MBOAT2: variants seen among roughly 807,000 people sequenced by gnomAD.
MBOAT2 encodes membrane bound glycerophospholipid O-acyltransferase 2, also known as membrane-bound glycerophospholipid O-acyltransferase 2.
A neutral mutation model predicts 63.4 loss-of-function variants in MBOAT2; 28 were observed. The observed-to-expected ratio is 0.44, with a 90% CI of 0.33 to 0.61. The LOEUF is 0.61. Among genes scored for constraint, MBOAT2 ranks in the 20% least tolerant of loss-of-function variants. MBOAT2 has a pLI of 0.03. For missense variants in MBOAT2, 470 were observed against 605.8 expected (o/e 0.78, Z 2.35); for synonymous variants, 211 against 215.6 (o/e 0.98, Z 0.19).
intron 9 of MBOAT2, among the ~76,000 whole-genome samples, chr2:8,866,755 G>A (rs1262026538): frequency 7.9e-5 from 12 of 152,292 alleles, no homozygotes; most frequent in Non-Finnish European, 8.8e-5. Flanking sequence ...TGGGTCATAT[G>A]TCCCATAGAA....
chr2:8,989,931 A>C (rs528218675), intron 1 of MBOAT2, among the ~76,000 whole-genome samples: 2 of 152,352 alleles, frequency 1.3e-5, no homozygotes, highest in East Asian at 3.9e-4. Context: ...TACTCATTAC[A>C]CACTACACTC....
At position 8,877,013 on chromosome 2, in the gene MBOAT2, A is replaced by C. The variant is rs374565020; in HGVS notation, c.690+17T>G. ...AATACATGCTGTAAAGGCTCCAGATAAATCTCATGACCTTACATTTGGAGA... is the reference window on the plus strand; with the variant it reads ...AATACATGCTGTAAAGGCTCCAGATCAATCTCATGACCTTACATTTGGAGA... On this transcript the variant is annotated intron_variant, in intron 7 of 12. Coordinates refer to ENST00000305997, the MANE Select transcript of MBOAT2 (RefSeq NM_138799.4). 48 of 1,591,342 alleles carry C rather than the reference A, an allele frequency of 3.0e-5. No homozygotes were observed. The highest frequency in any genetic ancestry group is 3.9e-5 in the Non-Finnish European group (46 of 1,170,678).
intron 1 of MBOAT2, among the ~76,000 whole-genome samples, chr2:8,987,930 A>T (rs1187743614): frequency 6.6e-6 from 1 of 152,230 alleles, no homozygotes. Context: ...TATGATAAAG[A>T]TGTATTACTT....
intron 4 of MBOAT2, among the ~76,000 whole-genome samples, chr2:8,895,550 G>A (rs1052541599): frequency 3.3e-5 from 5 of 151,566 alleles, no homozygotes; most frequent in African/African-American, 1.2e-4. Flanking sequence ...GTGCTGATTG[G>A]TGCATTTACA....
Position 8,933,841 on chromosome 2 carries a change from T to TC in MBOAT2, c.299+9345dup, listed in dbSNP as rs1667486678. On this transcript the variant is annotated intron_variant, in intron 3 of 12. Transcript: ENST00000305997. ...CTTATCAACCCTCTAATTAACAGAA[T>TC]CCCCCCACTTCATATAAAAGCCCTC... Among the ~76,000 whole-genome samples, 5 of 150,754 alleles carry TC rather than the reference T, an allele frequency of 3.3e-5. No homozygotes were observed. In the South Asian group the frequency reaches 1.1e-3, roughly 32 times the overall value.
At chr2:8,907,217 T>A (rs1009584864) in intron 4 of MBOAT2, among the ~76,000 whole-genome samples, 24 of 152,254 alleles carry the variant, frequency 1.6e-4, no homozygotes, top group African/African-American at 5.8e-4. Context: ...TTTGCCCACA[T>A]GGCTCCAGTT....
chr2:8,957,470 T>C (rs1327619206), intron 2 of MBOAT2, among the ~76,000 whole-genome samples: 1 of 152,180 alleles, frequency 6.6e-6, no homozygotes, highest in Non-Finnish European at 1.5e-5. Context: ...CTAATTAATT[T>C]TTCATGAGTT....
intron 3 of MBOAT2, among the ~76,000 whole-genome samples, chr2:8,936,980 A>G (rs946193509): frequency 6.6e-5 from 10 of 152,152 alleles, no homozygotes; most frequent in Non-Finnish European, 1.5e-4. Flanking sequence ...CCTAATTCCA[A>G]TTAGGTACGC....
intron 1 of MBOAT2, among the ~76,000 whole-genome samples, chr2:8,989,338 T>C (rs931902793): frequency 6.6e-6 from 1 of 152,182 alleles, no homozygotes; most frequent in Non-Finnish European, 1.5e-5. Flanking sequence ...CCTCATGGGT[T>C]CTATCATTGG....
At chr2:8,868,975 A>G (rs977570990) in intron 8 of MBOAT2, among the ~76,000 whole-genome samples, 1 of 152,218 alleles carries the variant, frequency 6.6e-6, no homozygotes, top group Non-Finnish European at 1.5e-5. Context: ...AATAATATAT[A>G]AGTGAGGCAT....
chr2:8,865,695 G>A (rs780677628), intron 9 of MBOAT2, among the ~76,000 whole-genome samples: 21 of 152,192 alleles, frequency 1.4e-4, no homozygotes, highest in Non-Finnish European at 2.6e-4. Context: ...TAGGAGTTGT[G>A]TAATCTGGCC....
intron 4 of MBOAT2, chr2:8,908,055 T>C (rs1487609792): frequency 3.3e-5 from 5 of 152,238 alleles, no homozygotes; most frequent in Admixed American, 3.3e-4. Flanking sequence ...TATATATGTA[T>C]ATAAAGGTTT....
At position 8,926,202 on chromosome 2, in the gene MBOAT2, C is replaced by T. The variant is rs544165365; in HGVS notation, c.299+16985G>A. ...GGAGTACAGTGGTGTGATCATGGCT[C>T]ACTGAAGCCTTGACCTCCTGGGCTC... On this transcript the variant is annotated intron_variant, in intron 3 of 12. Transcript: ENST00000305997. Among the ~76,000 whole-genome samples the T allele has an allele frequency of 4.6e-5, 7 of 152,264 alleles. No individual in the cohort carries two copies. The South Asian group carries it at 1.4e-3, about 32-fold the overall frequency.
intron 6 of MBOAT2, among the ~76,000 whole-genome samples, chr2:8,878,561 G>A (rs1417923294): frequency 5.3e-5 from 8 of 152,168 alleles, no homozygotes; most frequent in Non-Finnish European, 2.9e-5. Flanking sequence ...TGCCCAGGCT[G>A]GACTCAAACT....
Position 8,854,585 on chromosome 2 carries a change from C to A in MBOAT2, c.*4094G>T, listed in dbSNP as rs903946781. On this transcript the variant is annotated 3_prime_UTR_variant, in exon 13 of 13. Coordinates refer to ENST00000305997, the MANE Select transcript of MBOAT2 (RefSeq NM_138799.4). ...ACAATTATTTTCTCAAGTAATTTTT[C>A]TTTCAATTATAATGTAGAACTGTTA... is the stretch of plus-strand genomic sequence containing the variant. The A allele has an allele frequency of 2.6e-5, 4 of 152,122 alleles. No individual in the cohort carries two copies. Among genetic ancestry groups the A allele is most frequent in the Admixed American group, 2.0e-4 (3 of 15,276 alleles). 9.4% of individuals were successfully genotyped at this position (152,122 alleles called of 1,614,324 possible). A position where few individuals can be genotyped will look rare whatever the true frequency, so the allele number is the denominator to read the frequency against.
At chr2:8,898,472 A>G (rs1259363827) in intron 4 of MBOAT2, among the ~76,000 whole-genome samples, 1 of 152,204 alleles carries the variant, frequency 6.6e-6, no homozygotes, top group African/African-American at 2.4e-5. Context: ...AGGCCTAGAT[A>G]TTTGGCCTGC....
chr2:8,867,095 C>T (rs1661953383), intron 9 of MBOAT2, among the ~76,000 whole-genome samples: 1 of 152,036 alleles, frequency 6.6e-6, no homozygotes, highest in South Asian at 2.1e-4. Context: ...GCTGTGTCAC[C>T]CAGGCTACAG....
rs1241068799 is a variant in MBOAT2, at chr2:8,854,974, AAACC to A, written c.*3701_*3704del. 3.3e-5 allele frequency: 5 copies of A among 152,264 alleles called. No homozygotes were observed. Among genetic ancestry groups the A allele is most frequent in the African/African-American group, 1.2e-4 (5 of 41,468 alleles). 9.4% of individuals were successfully genotyped at this position (152,264 alleles called of 1,614,324 possible). On this transcript the variant is annotated 3_prime_UTR_variant, in exon 13 of 13. Transcript: ENST00000305997. ...TCTTCTCCAATTCCACACAGCACAG[AAACC>A]AACAAAGCAGAGAGAGCAAAAGGAA... is the stretch of plus-strand genomic sequence containing the variant.
At chr2:8,878,178 G>A (rs923320975) in intron 6 of MBOAT2, among the ~76,000 whole-genome samples, 1 of 152,142 alleles carries the variant, frequency 6.6e-6, no homozygotes, top group African/African-American at 2.4e-5. Flanking sequence ...GGAGAAAAGG[G>A]AGTCAAGTCA....
Sources: gnomAD v4.1 joint callset for allele counts (sites outside exome capture counted in the v4.1 genomes callset) on GRCh38, gnomAD v4.1.1 for gene constraint, MANE v1.5 for transcripts, NCBI Gene and HGNC (gene_info 2026-07-23, HGNC 2026-07-21) for gene names.